The following CAB39L variants were observed in gnomAD, a reference collection of about 807,000 sequenced individuals.
CAB39L encodes the protein calcium-binding protein 39-like.
A neutral mutation model predicts 39.1 loss-of-function variants in CAB39L; 23 were observed. The observed-to-expected ratio is 0.59, with a 90% confidence interval of 0.42 to 0.83. The LOEUF (loss-of-function observed/expected upper bound fraction) is 0.83, where lower values mean the gene tolerates loss of function less well. Ranked by LOEUF, CAB39L falls within the 40% of genes least tolerant of loss-of-function variation. The pLI is 0.00. For missense variants in CAB39L, 366 were observed against 391.9 expected (o/e 0.93, Z 0.56); for synonymous variants, 126 against 137.2 (o/e 0.92, Z 0.57).
intron 9 of CAB39L, among the ~76,000 whole-genome samples, chr13:49,338,049 T>C (rs923232235): frequency 6.6e-6 from 1 of 152,200 alleles, no homozygotes; most frequent in Non-Finnish European, 1.5e-5. Flanking sequence ...TAATTGAGAA[T>C]TGGCTTTATT....
At chr13:49,437,550 A>C (rs2138748524) in intron 1 of CAB39L, among the ~76,000 whole-genome samples, 1 of 152,104 alleles carries the variant, frequency 6.6e-6, no homozygotes, top group East Asian at 1.9e-4. Context: ...TCTTTCTGGG[A>C]ATTATCTGTA....
At chr13:49,372,297 G>C (rs1039742389) in intron 5 of CAB39L, among the ~76,000 whole-genome samples, 4 of 152,164 alleles carry the variant, frequency 2.6e-5, no homozygotes, top group African/African-American at 9.7e-5. Flanking sequence ...TAAAGCATTA[G>C]ATAAAAATTT....
intron 3 of CAB39L, among the ~76,000 whole-genome samples, chr13:49,408,197 GA>G (rs935402064): frequency 6.6e-6 from 1 of 152,148 alleles, no homozygotes; most frequent in Non-Finnish European, 1.5e-5. Context: ...TTTGGCAACT[GA>G]AAAAATATGG....
intron 10 of CAB39L, among the ~76,000 whole-genome samples, chr13:49,321,476 A>G (rs7321706): frequency 0.075 from 11,434 of 152,200 alleles, 1,303 homozygotes; most frequent in African/African-American, 0.24. Flanking sequence ...AGGAAGATAC[A>G]ATTTTTCCCC....
At position 49,350,840 on chromosome 13, in the gene CAB39L, G is replaced by C; in HGVS notation, c.468C>G (p.Ala156=). 1 of 1,612,356 alleles carries C rather than the reference G, an allele frequency of 6.2e-7. No individual in the cohort carries two copies. The highest frequency in any genetic ancestry group is 8.5e-7 in the Non-Finnish European group (1 of 1,179,074). The change falls in exon 7 of 11, where the codon GCC becomes GCG. Residue 156 remains alanine, a synonymous_variant. Coordinates refer to ENST00000409308, the MANE Select transcript of CAB39L (RefSeq NM_001079670.3). ...LRECIRHEPL[A]KIILFSNQFR... ...ATTGATTAGAAAAGAGGATGATTTT[G>C]GCAAGTGGTTCATGTCGAATACATT...
rs1339723895 is a variant in CAB39L at position 49,329,545 on chromosome 13, ATATATAT to A, written c.834+2395_834+2401del. The stretch of plus-strand genomic sequence containing the variant: ...CATATCTCTTCAATTAAAAAAAAAA[ATATATAT>A]ATATATATATATATATATATATATA... On this transcript the variant is annotated intron_variant, in intron 10 of 10. Coordinates refer to ENST00000409308, the MANE Select transcript of CAB39L (RefSeq NM_001079670.3). 7.4e-3 allele frequency among the ~76,000 whole-genome samples: 629 copies of A among 84,456 alleles called. 70 individuals are homozygous for A. Among genetic ancestry groups the A allele is most frequent in the East Asian group, 0.068 (142 of 2,088 alleles). 55.4% of individuals were successfully genotyped at this position (84,456 alleles called of 152,430 possible).
chr13:49,368,775 TAACTC>T (rs939831373), intron 5 of CAB39L, among the ~76,000 whole-genome samples: 15 of 152,194 alleles, frequency 9.9e-5, no homozygotes, highest in African/African-American at 2.6e-4. Flanking sequence ...ATGGAAGTAT[TAACTC>T]AAATCAAATA....
chr13:49,314,802 T>C (rs151234093), intron 10 of CAB39L, among the ~76,000 whole-genome samples: 1 of 152,322 alleles, frequency 6.6e-6, no homozygotes, highest in African/African-American at 2.4e-5. Flanking sequence ...ATGGGGATGA[T>C]AACAGTACCT....
chr13:49,398,319 ATAAT>A (rs1042196071), intron 3 of CAB39L, among the ~76,000 whole-genome samples: 2 of 152,130 alleles, frequency 1.3e-5, no homozygotes, highest in African/African-American at 4.8e-5. Flanking sequence ...AACTTTGACT[ATAAT>A]TAATAGACAT....
chr13:49,440,715 A>AGTGTGTGTGTGTGTGTGTGTGTGT (rs56314282), intron 1 of CAB39L, among the ~76,000 whole-genome samples: 3 of 135,440 alleles, frequency 2.2e-5, no homozygotes, highest in Non-Finnish European at 3.3e-5. Context: ...ATTCCTAGGC[A>AGTGTGTGTGTGTGTGTGTGTGTGT]GTGTGTGTGT....
At chr13:49,424,604 C>T (rs1417833917) in intron 3 of CAB39L, among the ~76,000 whole-genome samples, 1 of 152,126 alleles carries the variant, frequency 6.6e-6, no homozygotes, top group East Asian at 1.9e-4. Context: ...TTAATTGTAA[C>T]ATGTTAATAT....
chr13:49,342,689 C>T (rs1025610174), intron 8 of CAB39L, among the ~76,000 whole-genome samples: 2 of 152,136 alleles, frequency 1.3e-5, no homozygotes, highest in African/African-American at 4.8e-5. Context: ...CTCCCCTTCC[C>T]TAAGTCCTAG....
At chr13:49,436,513 T>C (rs983330222) in intron 1 of CAB39L, among the ~76,000 whole-genome samples, 7 of 151,710 alleles carry the variant, frequency 4.6e-5, no homozygotes, top group Non-Finnish European at 1.0e-4. Flanking sequence ...CAATCTTTTC[T>C]TATGTACCTT....
intron 10 of CAB39L, among the ~76,000 whole-genome samples, chr13:49,331,646 C>T (rs1320307106): frequency 1.3e-5 from 2 of 151,962 alleles, no homozygotes; most frequent in East Asian, 1.9e-4. Flanking sequence ...CATTCAAGGC[C>T]GACACTCAGG....
chr13:49,405,471 A>G (rs942710436), intron 3 of CAB39L, among the ~76,000 whole-genome samples: 31 of 150,758 alleles, frequency 2.1e-4, no homozygotes, highest in African/African-American at 7.5e-4. Flanking sequence ...TTAAGGTACA[A>G]TAAGAATCAT....
chr13:49,406,151 G>C (rs1956871724), intron 3 of CAB39L, among the ~76,000 whole-genome samples: 1 of 150,584 alleles, frequency 6.6e-6, no homozygotes, highest in African/African-American at 2.4e-5. Context: ...ATAACTGAGG[G>C]AATACAATTG....
At chr13:49,317,371 A>C (rs1269142095) in intron 10 of CAB39L, among the ~76,000 whole-genome samples, 3 of 152,080 alleles carry the variant, frequency 2.0e-5, no homozygotes, top group African/African-American at 7.2e-5. Flanking sequence ...CTCTACAAAA[A>C]ATATAAAAAT....
chr13:49,394,379 T>C (rs572249576), intron 3 of CAB39L, among the ~76,000 whole-genome samples: 64 of 152,206 alleles, frequency 4.2e-4, no homozygotes, highest in African/African-American at 1.4e-3. Flanking sequence ...TTTTGTTGTT[T>C]TGACAAACTC....
intron 6 of CAB39L, 153 bp from the exon 7 acceptor site, chr13:49,351,065 G>T: frequency 2.1e-6 from 1 of 487,212 alleles, no homozygotes. Context: ...TCTACTATGT[G>T]CCTGGCACTA....
Sources: gnomAD v4.1 joint callset for allele counts (sites outside exome capture counted in the v4.1 genomes callset) on GRCh38, gnomAD v4.1.1 for gene constraint, MANE v1.5 for transcripts, NCBI Gene and HGNC (gene_info 2026-07-23, HGNC 2026-07-21) for gene names.